EIF2AK4: variants seen among roughly 807,000 people sequenced by gnomAD.
EIF2AK4 encodes the protein eIF-2-alpha kinase GCN2.
A neutral mutation model predicts 211.1 loss-of-function variants in EIF2AK4; 139 were observed. The observed-to-expected ratio is 0.66, with a 90% CI of 0.57 to 0.76. EIF2AK4 has a LOEUF of 0.76. Among genes scored for constraint, EIF2AK4 ranks in the 30% least tolerant of loss-of-function variants. EIF2AK4 has a pLI of 0.00. For synonymous variants in EIF2AK4, 710 were observed against 751.3 expected, an observed-to-expected ratio of 0.94 and a Z score of 0.90; for missense variants, 1,664 against 2,043.8, an observed-to-expected ratio of 0.81 and a Z score of 3.58.
intron 9 of EIF2AK4, among the ~76,000 whole-genome samples, chr15:39,971,585 T>A (rs761080887): frequency 6.6e-6 from 1 of 151,976 alleles, no homozygotes; most frequent in Non-Finnish European, 1.5e-5. Flanking sequence ...AGCATGGTGG[T>A]ACACGCCTGT....
intron 34 of EIF2AK4, 115 bp downstream of exon 34, chr15:40,029,579 C>A: frequency 1.8e-6 from 2 of 1,102,170 alleles, no homozygotes; most frequent in Non-Finnish European, 2.6e-6. Flanking sequence ...ATAACATATA[C>A]GCAATAAATT....
rs755819779 is a variant in EIF2AK4, at chr15:40,021,020, G to T, written c.4295G>T (p.Trp1432Leu). ...ATCACAGCAGAAATCATGTACGACT[G>T]GTCACAGGTAATGGGACAAAAAGCA... ...AGITAEIMYD[W>L]SQSQEELQEY... The change falls in exon 31 of 39, where the codon TGG becomes TTG. Residue 1432 changes from tryptophan to leucine, a missense_variant. Transcript: ENST00000263791. 1 of 1,612,068 alleles carries T rather than the reference G, an allele frequency of 6.2e-7. No individual in the cohort carries two copies. The highest frequency in any genetic ancestry group is 1.1e-5 in the South Asian group (1 of 90,586).
At chr15:39,954,200 A>G (rs2034358606) in intron 5 of EIF2AK4, among the ~76,000 whole-genome samples, 1 of 152,188 alleles carries the variant, frequency 6.6e-6, no homozygotes, top group Non-Finnish European at 1.5e-5. Context: ...AATTACTGTA[A>G]TTTATCAAAT....
In EIF2AK4 at chr15:40,032,772, G is replaced by C; in HGVS notation, c.4744G>C (p.Glu1582Gln). ...IEILAVDLPK[E>Q]TILQFLSLEW... is the part of the protein sequence containing the mutation. ...GTATTCACAGGTGGATCTACCCAAAGAAACAATATTACAGTTTTTATCATT... is the reference window on the plus strand; with the variant it reads ...GTATTCACAGGTGGATCTACCCAAACAAACAATATTACAGTTTTTATCATT... Residue 1582 changes from glutamate to glutamine, a missense_variant, in exon 37 of 39, where the codon GAA (glutamate) becomes CAA (glutamine). Glu to Gln is a conservative substitution (Grantham distance 29). Transcript: ENST00000263791. 6.2e-7 allele frequency: 1 copy of C among 1,613,600 alleles called. No individual in the cohort carries two copies. The highest frequency in any genetic ancestry group is 8.5e-7 in the Non-Finnish European group (1 of 1,179,834).
intron 28 of EIF2AK4, 29 bp downstream of exon 28, chr15:40,016,701 CA>C: frequency 6.2e-7 from 1 of 1,609,352 alleles, no homozygotes; most frequent in South Asian, 1.1e-5. Flanking sequence ...ACTGGCAGTA[CA>C]AATGTGTAGC....
At chr15:39,951,143 G>A (rs980126706) in intron 4 of EIF2AK4, among the ~76,000 whole-genome samples, 3 of 152,040 alleles carry the variant, frequency 2.0e-5, no homozygotes, top group South Asian at 2.1e-4. Context: ...AATTTTTTGC[G>A]GGGGGAGTGA....
At chr15:40,026,139 GA>G (rs1294320461) in intron 33 of EIF2AK4, 50 bp downstream of exon 33, 1 of 1,487,566 alleles carries the variant, frequency 6.7e-7, no homozygotes, top group Non-Finnish European at 9.3e-7. Flanking sequence ...TACCTATATG[GA>G]AACTACGTAA....
Position 39,976,438 on chromosome 15 carries a change from T to G in EIF2AK4, c.1843T>G (p.Cys615Gly). 6.2e-7 allele frequency: 1 copy of G among 1,607,284 alleles called. No homozygotes were observed. The highest frequency in any genetic ancestry group is 8.5e-7 in the Non-Finnish European group (1 of 1,177,412). The change falls in exon 12 of 39, where the codon TGC becomes GGC. Residue 615 changes from cysteine (C) to glycine (G), a missense_variant. Around this residue, in one of 7 missense-constraint regions of EIF2AK4, gnomAD observed 37 missense variants for 84.0 expected, o/e 0.44. Transcript: ENST00000263791. Reference protein sequence around the residue: ...IKVQNKLDGCCYAVKRIPINP... With the variant: ...IKVQNKLDGCGYAVKRIPINP... Reference sequence around the variant, plus strand: ...GGTGCAGAACAAGTTGGACGGCTGCTGCTACGCAGTGAAGCGCATCCCCAT... The same window carrying G: ...GGTGCAGAACAAGTTGGACGGCTGCGGCTACGCAGTGAAGCGCATCCCCAT...
chr15:39,943,886 T>C (rs1019556685), intron 3 of EIF2AK4, among the ~76,000 whole-genome samples: 2 of 151,968 alleles, frequency 1.3e-5, no homozygotes, highest in Non-Finnish European at 2.9e-5. Flanking sequence ...GCCCAGGAGT[T>C]TGAGGTTACA....
intron 4 of EIF2AK4, among the ~76,000 whole-genome samples, chr15:39,951,043 C>G (rs1292130028): frequency 6.6e-6 from 1 of 152,174 alleles, no homozygotes; most frequent in East Asian, 1.9e-4. Flanking sequence ...TCTGTCCCCT[C>G]TTTTTCCACT....
At chr15:39,941,809 A>G (rs866213800) in intron 2 of EIF2AK4, among the ~76,000 whole-genome samples, 1 of 152,158 alleles carries the variant, frequency 6.6e-6, no homozygotes, top group Non-Finnish European at 1.5e-5. Flanking sequence ...GTGGCAACCA[A>G]AAAAAGTCTC....
At chr15:40,002,436 C>G (rs1467393668) in intron 21 of EIF2AK4, 36 of 375,794 alleles carry the variant, frequency 9.6e-5, no homozygotes, top group South Asian at 4.0e-5. Flanking sequence ...TTGATTATCT[C>G]CCTCTGAAAG....
At position 39,939,473 on chromosome 15, in the gene EIF2AK4, GAA is replaced by G. The variant is rs552137189; in HGVS notation, c.145-26_145-25del. On this transcript the variant is annotated intron_variant, in intron 1 of 38. Coordinates refer to ENST00000263791, the MANE Select transcript of EIF2AK4 (RefSeq NM_001013703.4). ...CATTAATGATTGGCTCTACAGCTTT[GAA>G]AAAAATTTTTTTTGTTTTTCCTCTT... 1.1e-3 allele frequency: 1,688 copies of G among 1,549,226 alleles called. 16 individuals carry two copies. The East Asian group carries it at 0.022, about 20-fold the overall frequency.
rs148403319 is a variant in EIF2AK4 at position 39,966,430 on chromosome 15, G to C, written c.1017+587G>C. On this transcript the variant is annotated intron_variant, in intron 8 of 38. Coordinates refer to ENST00000263791, the MANE Select transcript of EIF2AK4 (RefSeq NM_001013703.4). ...GTGGGATAATTGCTTGAGCCCAGGA[G>C]GTTGAGGCTGCAGTGAGCTGTGTTC... Among the ~76,000 whole-genome samples, 357 of 151,718 alleles carry C rather than the reference G, an allele frequency of 2.4e-3. 4 individuals carry two copies. The highest frequency in any genetic ancestry group is 0.017 in the East Asian group (89 of 5,152).
At chr15:40,002,595 C>A in intron 21 of EIF2AK4, 118 bp from the exon 22 acceptor site, 1 of 1,030,082 alleles carries the variant, frequency 9.7e-7, no homozygotes, top group Non-Finnish European at 1.5e-6. Flanking sequence ...CTTGTCAAGA[C>A]TTGTTTTTTG....
At chr15:40,034,028 CAA>C (rs1161664208) in intron 37 of EIF2AK4, among the ~76,000 whole-genome samples, 44 of 68,942 alleles carry the variant, frequency 6.4e-4, no homozygotes, top group African/African-American at 1.2e-3. Flanking sequence ...AACTCCATCT[CAA>C]AAAAAAAAAA....
chr15:39,950,589 C>CAAAAAA (rs771231139), intron 4 of EIF2AK4, among the ~76,000 whole-genome samples: 3 of 59,726 alleles, frequency 5.0e-5, no homozygotes, highest in Non-Finnish European at 6.9e-5. Context: ...ACTCTGTCTT[C>CAAAAAA]AAAAAAAAAA....
chr15:39,943,003 C>A (rs1242326231), intron 2 of EIF2AK4, among the ~76,000 whole-genome samples: 2 of 151,490 alleles, frequency 1.3e-5, no homozygotes, highest in Non-Finnish European at 2.9e-5. Context: ...AGTTACTGGG[C>A]TAGAGTCAGC....
chr15:40,019,038 G>A lies in EIF2AK4; in HGVS notation c.4066-55G>A, dbSNP rs187584749. 2.6e-4 allele frequency: 335 copies of A among 1,313,298 alleles called. No individual in the cohort carries two copies. The East Asian group carries it at 4.0e-3, about 16-fold the overall frequency. 81.4% of individuals were successfully genotyped at this position (1,313,298 alleles called of 1,614,324 possible). A position where few individuals can be genotyped will look rare whatever the true frequency, so the allele number is the denominator to read the frequency against. ...TCACTCTTTAATCATTGTTTTCCCC[G>A]TAATCACAGTTTCTTTCCTATTTCA... On this transcript the variant is annotated intron_variant, in intron 29 of 38. Coordinates refer to ENST00000263791, the MANE Select transcript of EIF2AK4 (RefSeq NM_001013703.4).
Sources: gnomAD v4.1 joint callset for allele counts (sites outside exome capture counted in the v4.1 genomes callset) on GRCh38, gnomAD v4.1.1 for gene constraint, gnomAD v4.1.1 regional missense constraint, MANE v1.5 for transcripts, NCBI Gene and HGNC (gene_info 2026-07-23, HGNC 2026-07-21) for gene names.